The following CFDP1 variants were observed in gnomAD, a reference collection of about 807,000 sequenced individuals.
CFDP1 encodes heterochromatin-stabilizing protein CFDP1.
In CFDP1, 31 loss-of-function variants were observed where a neutral mutation model predicts 40.1. That is an observed-to-expected ratio of 0.77 (90% CI 0.58 to 1.04). CFDP1 has a LOEUF of 1.04. Ranked by LOEUF, CFDP1 falls within the 50% of genes least tolerant of loss-of-function variation. CFDP1 has a pLI of 0.00. For synonymous variants in CFDP1, 167 were observed against 120.0 expected, an observed-to-expected ratio of 1.39 and a Z score of -2.56; for missense variants, 423 against 343.4, an observed-to-expected ratio of 1.23 and a Z score of -1.83.
intron 5 of CFDP1, among the ~76,000 whole-genome samples, chr16:75,389,635 A>G (rs1178496599): frequency 6.6e-6 from 1 of 151,690 alleles, no homozygotes; most frequent in Non-Finnish European, 1.5e-5. Context: ...TGTTTCTGCA[A>G]GACAATTTCT....
chr16:75,304,156 C>G (rs1159039132), intron 6 of CFDP1, among the ~76,000 whole-genome samples: 2 of 152,134 alleles, frequency 1.3e-5, no homozygotes, highest in Non-Finnish European at 2.9e-5. Flanking sequence ...GCAACCTCCA[C>G]CTAGTGGGTT....
At chr16:75,401,428 CAAAAA>C (rs35178768) in intron 4 of CFDP1, among the ~76,000 whole-genome samples, 1 of 92,506 alleles carries the variant, frequency 1.1e-5, no homozygotes, top group Non-Finnish European at 2.0e-5. Flanking sequence ...GACTCCGTCT[CAAAAA>C]AAAAAAAAAA....
rs2079039838 is a variant in CFDP1 at position 75,400,300 on chromosome 16, CA to C, written c.531-5092del. ...TCTCAAAACAAAAAACAAAACAAAA[CA>C]AAAAAGAAGGTAGAAAGCAAGTAGA... is the stretch of plus-strand genomic sequence containing the variant. On this transcript the variant is annotated intron_variant, in intron 4 of 6. Transcript: ENST00000283882. Among the ~76,000 whole-genome samples, 3 of 130,758 alleles carry C rather than the reference CA, an allele frequency of 2.3e-5. No individual in the cohort carries two copies. In the South Asian group the frequency reaches 7.6e-4, roughly 33 times the overall value. 85.8% of individuals were successfully genotyped at this position (130,758 alleles called of 152,430 possible).
At position 75,361,345 on chromosome 16, in the gene CFDP1, G is replaced by A. The variant is rs548380630; in HGVS notation, c.650+33745C>T. 1.7e-3 allele frequency among the ~76,000 whole-genome samples: 264 copies of A among 152,196 alleles called. 2 individuals carry two copies. The highest frequency in any genetic ancestry group is 2.4e-3 in the Non-Finnish European group (164 of 67,998). On this transcript the variant is annotated intron_variant, in intron 5 of 6. Transcript: ENST00000283882. Reference sequence around the variant, plus strand: ...ATTGTTTAAATTTAAAGCCGGGCGCGGTGGCTCACACCTGTAATCCCAGCA... The same window carrying A: ...ATTGTTTAAATTTAAAGCCGGGCGCAGTGGCTCACACCTGTAATCCCAGCA...
At chr16:75,424,543 C>T (rs1438326802) in intron 1 of CFDP1, among the ~76,000 whole-genome samples, 5 of 152,096 alleles carry the variant, frequency 3.3e-5, no homozygotes, top group African/African-American at 1.2e-4. Flanking sequence ...ATCACGAGGT[C>T]AGGAGATCAA....
chr16:75,357,155 C>T (rs1167426169), intron 5 of CFDP1, among the ~76,000 whole-genome samples: 1 of 151,898 alleles, frequency 6.6e-6, no homozygotes, highest in South Asian at 2.1e-4. Flanking sequence ...TCATGTGATC[C>T]ACCCGCCTTG....
intron 5 of CFDP1, among the ~76,000 whole-genome samples, chr16:75,368,045 G>C (rs1482833705): frequency 6.6e-6 from 1 of 152,038 alleles, no homozygotes; most frequent in African/African-American, 2.4e-5. Flanking sequence ...CAGAGGTTGC[G>C]GTGAGCCAAG....
intron 6 of CFDP1, among the ~76,000 whole-genome samples, chr16:75,301,444 T>A (rs1336321555): frequency 6.6e-6 from 1 of 150,424 alleles, no homozygotes; most frequent in Non-Finnish European, 1.5e-5. Flanking sequence ...ACCTGCAGCC[T>A]ACTCAGGTGA....
chr16:75,369,341 G>C (rs1283937813), intron 5 of CFDP1, among the ~76,000 whole-genome samples: 2 of 150,828 alleles, frequency 1.3e-5, no homozygotes, highest in Non-Finnish European at 2.9e-5. Context: ...TTGAGCCCAG[G>C]AGTTCAAGAC....
intron 6 of CFDP1, among the ~76,000 whole-genome samples, chr16:75,298,048 A>C (rs1353001750): frequency 1.3e-5 from 2 of 152,226 alleles, no homozygotes; most frequent in African/African-American, 4.8e-5. Flanking sequence ...CTGATGGTTC[A>C]ATGTACACAA....
rs568214851 is a variant in CFDP1 at position 75,396,903 on chromosome 16, G to GT, written c.531-1695dup. On this transcript the variant is annotated intron_variant, in intron 4 of 6. Coordinates refer to ENST00000283882, the MANE Select transcript of CFDP1 (RefSeq NM_006324.3). Reference sequence around the variant, plus strand: ...GTAGTCCTCTGAGAAGTTTTTTCTTGTTTTTTGTTTGTTTGTTTGTTTTCA... The same window carrying GT: ...GTAGTCCTCTGAGAAGTTTTTTCTTGTTTTTTTGTTTGTTTGTTTGTTTTCA... Among the ~76,000 whole-genome samples the GT allele has an allele frequency of 4.6e-5, 7 of 151,922 alleles. No homozygotes were observed. The South Asian group carries it at 8.3e-4, about 18-fold the overall frequency.
intron 5 of CFDP1, among the ~76,000 whole-genome samples, chr16:75,311,165 C>T (rs768689888): frequency 2.0e-5 from 3 of 152,134 alleles, no homozygotes; most frequent in African/African-American, 4.8e-5. Flanking sequence ...GGTTAAGAAA[C>T]CTGCCCAAGT....
chr16:75,431,045 A>G (rs1295338741), intron 1 of CFDP1, among the ~76,000 whole-genome samples: 1 of 152,182 alleles, frequency 6.6e-6, no homozygotes, highest in East Asian at 1.9e-4. Flanking sequence ...GCTAAGTAGC[A>G]ACAAAAAATG....
intron 5 of CFDP1, among the ~76,000 whole-genome samples, chr16:75,389,789 A>T (rs1410599458): frequency 6.6e-6 from 1 of 152,222 alleles, no homozygotes; most frequent in Non-Finnish European, 1.5e-5. Context: ...GTCTGCTGAC[A>T]GATACTAATA....
intron 5 of CFDP1, among the ~76,000 whole-genome samples, chr16:75,365,903 A>C (rs1368374566): frequency 1.3e-5 from 2 of 152,236 alleles, no homozygotes; most frequent in East Asian, 3.8e-4. Context: ...TTCATGAGGA[A>C]GTGGACAAAG....
chr16:75,396,932 G>A (rs879769787), intron 4 of CFDP1, among the ~76,000 whole-genome samples: 3 of 151,456 alleles, frequency 2.0e-5, no homozygotes, highest in Admixed American at 2.0e-4. Context: ...GTTTTCATTT[G>A]AGATGGAGTC....
intron 5 of CFDP1, among the ~76,000 whole-genome samples, chr16:75,352,991 G>A (rs2078623088): frequency 6.6e-6 from 1 of 152,174 alleles, no homozygotes. Context: ...ACAGGACAGA[G>A]GAACATGTTA....
At chr16:75,315,187 G>T (rs1165687006) in intron 5 of CFDP1, among the ~76,000 whole-genome samples, 1 of 152,038 alleles carries the variant, frequency 6.6e-6, no homozygotes, top group East Asian at 1.9e-4. Flanking sequence ...CAAAAAATTT[G>T]CCGGGTGTGA....
At chr16:75,326,395 T>C (rs2078401387) in intron 5 of CFDP1, among the ~76,000 whole-genome samples, 1 of 152,230 alleles carries the variant, frequency 6.6e-6, no homozygotes, top group South Asian at 2.1e-4. Context: ...CTCAGTCAAC[T>C]GAACAACTCC....
Sources: allele counts gnomAD v4.1 joint callset (sites outside exome capture counted in the v4.1 genomes callset), GRCh38; gene constraint gnomAD v4.1.1; transcripts MANE v1.5; gene names NCBI Gene and HGNC (gene_info 2026-07-23, HGNC 2026-07-21).